The following MTERF4 variants were observed in gnomAD, a reference collection of about 807,000 sequenced individuals.
MTERF4 encodes transcription termination factor 4, mitochondrial.
A neutral mutation model predicts 22.5 loss-of-function variants in MTERF4; 17 were observed. That is an observed-to-expected ratio of 0.75 (90% CI 0.52 to 1.13). The LOEUF is 1.13. MTERF4 is among the 50% of genes most tolerant of loss of function. MTERF4 has a pLI of 0.00. For synonymous variants in MTERF4, 165 were observed against 175.3 expected (o/e 0.94, Z 0.47); for missense variants, 420 against 466.8 (o/e 0.90, Z 0.92).
At chr2:241,070,912 C>G (rs114813300), downstream of MTERF4, among the ~76,000 whole-genome samples, 667 of 152,326 alleles carry the variant, frequency 4.4e-3, 5 homozygotes, top group African/African-American at 0.016. Context: ...GGCTCTGACC[C>G]CAGGCTCCTC....
At chr2:241,090,389 G>A (rs1239233547), downstream of MTERF4, 1 of 1,550,030 alleles carries the variant, frequency 6.5e-7, no homozygotes, top group East Asian at 2.4e-5. Flanking sequence ...GAAACCTCCT[G>A]AAGGACCTGC....
downstream of MTERF4, among the ~76,000 whole-genome samples, chr2:241,069,686 G>A (rs1479127151): frequency 2.6e-5 from 4 of 152,158 alleles, no homozygotes; most frequent in African/African-American, 9.7e-5. The surrounding 1 kb of genome is among the most constrained non-coding windows in gnomAD (Gnocchi z 4.9). Flanking sequence ...GGGCTTCACA[G>A]GGTGGATCCT....
In MTERF4 at chr2:241,096,280, T is replaced by C; in HGVS notation, c.864A>G (p.Pro288=). The C allele has an allele frequency of 6.2e-7, 1 of 1,614,196 alleles. No individual in the cohort carries two copies. Residue 288 remains proline (P), a synonymous_variant, in exon 4 of 4, where the codon CCA becomes CCG. Transcript: ENST00000391980. The surrounding 1 kb of genome is among the most constrained non-coding windows in gnomAD (Gnocchi z 5.1). ...AAACTCTGAGAATGTCCTTGAGCAA[T>C]GGGTTAGGGATCTGTGTCTGCCCCT... is the stretch of plus-strand genomic sequence containing the variant. ...DKKGQTQIPN[P]LLKDILRVSE... is the part of the protein sequence containing the mutation.
chr2:241,048,211 T>C, the MTERF4 span: 1 of 1,332,164 alleles, frequency 7.5e-7, no homozygotes, highest in Non-Finnish European at 1.0e-6. Flanking sequence ...CACTTGGGAA[T>C]GACAACAGAG....
exon 5 of MTERF4, chr2:241,072,267 G>A (rs905211658): frequency 6.3e-6 from 3 of 472,654 alleles, no homozygotes; most frequent in Non-Finnish European, 1.3e-5. Flanking sequence ...GCCACTCCGA[G>A]TGTGGTCCGG....
At chr2:241,062,363 C>T in the MTERF4 span, among the ~76,000 whole-genome samples, 1 of 152,144 alleles carries the variant, frequency 6.6e-6, no homozygotes, top group East Asian at 1.9e-4. Flanking sequence ...AATTCAGGAG[C>T]ACAACTCCCG....
chr2:241,095,973 T>C lies in MTERF4; in HGVS notation c.*25A>G, dbSNP rs1366732393. 4 of 1,606,186 alleles carry C rather than the reference T, an allele frequency of 2.5e-6. No individual in the cohort carries two copies. The highest frequency in any genetic ancestry group is 3.4e-6 in the Non-Finnish European group (4 of 1,175,242). On this transcript the variant is annotated 3_prime_UTR_variant, in exon 4 of 4. Transcript: ENST00000391980. ...AAGCTTCCTTGATATCTCTGGGCCC[T>C]TTCGCTCTAGTCCTTCCATCACAGC... is the stretch of plus-strand genomic sequence containing the variant.
In MTERF4 at chr2:241,081,410, CCTT is replaced by C. The variant is rs112921353; in HGVS notation, n.480-5731_480-5729del. Among the ~76,000 whole-genome samples, 990 of 152,334 alleles carry C rather than the reference CCTT, an allele frequency of 6.5e-3. 8 individuals carry two copies. Among genetic ancestry groups the C allele is most frequent in the African/African-American group, 0.017 (701 of 41,574 alleles). On this transcript the variant is annotated intron_variant and non_coding_transcript_variant, in intron 4 of 4. Coordinates refer to the MTERF4 transcript ENST00000464344. ...CCCTCTCCCTCCTCCTTCTCCTCCT[CCTT>C]GTTTTTGTTTGTCTTCCTTCCTTCC...
At chr2:241,081,414 G>C (rs1479774382) in intron 4 of MTERF4, among the ~76,000 whole-genome samples, 2 of 150,228 alleles carry the variant, frequency 1.3e-5, no homozygotes, top group South Asian at 4.1e-4. Context: ...CCTCCTCCTT[G>C]TTTTTGTTTG....
At chr2:241,062,796 G>C in the MTERF4 span, 1 of 1,607,930 alleles carries the variant, frequency 6.2e-7, no homozygotes, top group Non-Finnish European at 8.5e-7. Flanking sequence ...CTCAGAAATC[G>C]ATGAGTGCCG....
At chr2:241,085,568 G>C (rs940903752), downstream of MTERF4, among the ~76,000 whole-genome samples, 1 of 151,712 alleles carries the variant, frequency 6.6e-6, no homozygotes, top group East Asian at 1.9e-4. Flanking sequence ...CTCATGTCTG[G>C]GTCTTATTCT....
the MTERF4 span, chr2:241,052,026 G>C: frequency 6.2e-7 from 1 of 1,611,340 alleles, no homozygotes; most frequent in Non-Finnish European, 8.5e-7. Context: ...ACCCTGACCT[G>C]GCTTCTGTTT....
At chr2:241,072,984 G>C in exon 5 of MTERF4, 2 of 475,420 alleles carry the variant, frequency 4.2e-6, no homozygotes, top group Non-Finnish European at 7.4e-6. Context: ...CCGTGAGGAT[G>C]GGGCCTCTCA....
chr2:241,081,534 C>T (rs941734022), intron 4 of MTERF4: 23 of 649,670 alleles, frequency 3.5e-5, no homozygotes, highest in Non-Finnish European at 4.8e-5. Context: ...GGCCCAGAGG[C>T]GTTTGGGAGG....
At chr2:241,066,427 G>A in the MTERF4 span, among the ~76,000 whole-genome samples, 14 of 152,338 alleles carry the variant, frequency 9.2e-5, no homozygotes, top group East Asian at 1.9e-3. Context: ...CACGGAGCCC[G>A]GCCGCATCAG....
Position 241,096,107 on chromosome 2 carries a change from T to C in MTERF4, c.1037A>G (p.Asp346Gly), listed in dbSNP as rs771423453. The change falls in exon 4 of 4, where the codon GAT (aspartate) becomes GGT (glycine). Residue 346 changes from aspartate to glycine, a missense_variant. Asp to Gly is a moderately conservative substitution (Grantham distance 94). Coordinates refer to ENST00000391980, the MANE Select transcript of MTERF4 (RefSeq NM_182501.4). The surrounding 1 kb of genome is among the most constrained non-coding windows in gnomAD (Gnocchi z 5.1). ...ATCCTCATCATTGTCCTCCTCATCATCGTCATCCTCATCCTCATCCAGACT... is the reference window on the plus strand; with the variant it reads ...ATCCTCATCATTGTCCTCCTCATCACCGTCATCCTCATCCTCATCCAGACT... The part of the protein sequence containing the change: ...RASLDEDEDD[D>G]DEEDNDEDDN... 2.5e-6 allele frequency: 4 copies of C among 1,613,534 alleles called. No individual in the cohort carries two copies.
chr2:241,087,715 G>C (rs531428691), downstream of MTERF4: 60 of 1,357,984 alleles, frequency 4.4e-5, no homozygotes, highest in Non-Finnish European at 5.1e-5. Flanking sequence ...GGTCACTCTG[G>C]TTATGCATAT....
chr2:241,070,060 T>C (rs2062631785), downstream of MTERF4: 15 of 1,613,088 alleles, frequency 9.3e-6, no homozygotes, highest in Non-Finnish European at 1.3e-5. Flanking sequence ...CAAGAGCCGC[T>C]ATGTCCCCAA....
the MTERF4 span, chr2:241,064,230 G>A: frequency 9.5e-5 from 70 of 738,584 alleles, no homozygotes; most frequent in Admixed American, 5.9e-4. The surrounding 1 kb of genome is among the most constrained non-coding windows in gnomAD (Gnocchi z 7.0). Context: ...CCCTCTGCCC[G>A]CCTGCTCCCC....
Sources: allele counts gnomAD v4.1 joint callset (sites outside exome capture counted in the v4.1 genomes callset), GRCh38; gene constraint gnomAD v4.1.1; non-coding constraint Gnocchi (gnomAD v3.1); transcripts MANE v1.5; gene names NCBI Gene and HGNC (gene_info 2026-07-23, HGNC 2026-07-21).